The following TIAM2 variants were observed in gnomAD, a reference collection of about 807,000 sequenced individuals.
TIAM2 encodes the protein TIAM Rac1 associated GEF 2.
In TIAM2, 80 loss-of-function variants were observed where a neutral mutation model predicts 152.9. The observed-to-expected ratio is 0.52, with a 90% CI of 0.44 to 0.63. TIAM2 has a LOEUF of 0.63. Among genes scored for constraint, TIAM2 ranks in the 30% least tolerant of loss-of-function variants. TIAM2 has a pLI of 0.00. For synonymous variants in TIAM2, 804 were observed against 838.0 expected (o/e 0.96, Z 0.70); for missense variants, 1,965 against 2,120.1 (o/e 0.93, Z 1.44).
intron 14 of TIAM2, among the ~76,000 whole-genome samples, chr6:155,188,317 C>G (rs1781105607): frequency 6.6e-6 from 1 of 152,238 alleles, no homozygotes; most frequent in Non-Finnish European, 1.5e-5. Context: ...ACCAGCTTCA[C>G]TCCACTATGC....
intron 1 of TIAM2, among the ~76,000 whole-genome samples, chr6:155,081,816 C>G (rs1463593287): frequency 6.6e-6 from 1 of 152,158 alleles, no homozygotes; most frequent in African/African-American, 2.4e-5. Flanking sequence ...TTTTTACCCC[C>G]TGACTTTCTC....
rs767069189 is a variant in TIAM2 at position 155,176,825 on chromosome 6, C to T, written c.2371C>T (p.Leu791Phe). Reference protein sequence around the residue: ...KRPSITQVDELLHIYGSTVDG... With the variant: ...KRPSITQVDEFLHIYGSTVDG... The stretch of plus-strand genomic sequence containing the variant: ...TGGCATCTACAAACAGGTCGATGAA[C>T]TTCTGCATATATATGGTTCAACAGT... Residue 791 changes from leucine to phenylalanine, a missense_variant, in exon 10 of 27, where the codon CTT (leucine) becomes TTT (phenylalanine). By Grantham distance (22) the Leu-to-Phe change is conservative (BLOSUM62 0). Coordinates refer to ENST00000682666, the MANE Select transcript of TIAM2 (RefSeq NM_012454.4). The T allele has an allele frequency of 2.0e-5, 32 of 1,608,004 alleles. No individual in the cohort carries two copies. The highest frequency in any genetic ancestry group is 2.7e-5 in the Non-Finnish European group (32 of 1,178,456).
In TIAM2 at chr6:155,174,311, G is replaced by A. The variant is rs547955832; in HGVS notation, c.2362-2505G>A. On this transcript the variant is annotated intron_variant, in intron 9 of 26. Coordinates refer to ENST00000682666, the MANE Select transcript of TIAM2 (RefSeq NM_012454.4). This position sits in a 1 kb window ranked among gnomAD's most constrained non-coding sequence, Gnocchi z 4.2. ...TGGTGCCTTCCTGAGAGGGCTGGCT[G>A]TGAGTGGTGAGTGAACTGATGGCAC... Among the ~76,000 whole-genome samples, 1 of 152,052 alleles carries A rather than the reference G, an allele frequency of 6.6e-6. No individual in the cohort carries two copies. Among genetic ancestry groups the A allele is most frequent in the East Asian group, 1.9e-4 (1 of 5,180 alleles).
chr6:154,998,628 A>G (rs1778262013), intron 1 of TIAM2, among the ~76,000 whole-genome samples: 1 of 152,222 alleles, frequency 6.6e-6, no homozygotes, highest in African/African-American at 2.4e-5. Flanking sequence ...ATATAAAATT[A>G]TATACTTGTA....
chr6:155,051,927 A>G (rs762412756), intron 1 of TIAM2, among the ~76,000 whole-genome samples: 58 of 152,284 alleles, frequency 3.8e-4, no homozygotes, highest in Middle Eastern at 3.4e-3. Context: ...GGCGTGAGCC[A>G]CTGCGCCTGG....
intron 2 of TIAM2, among the ~76,000 whole-genome samples, chr6:155,104,627 G>C (rs1454964666): frequency 6.6e-6 from 1 of 151,944 alleles, no homozygotes; most frequent in African/African-American, 2.4e-5. Context: ...CGTGGTGGCG[G>C]GCGCTTGTAG....
chr6:155,184,284 T>G (rs1057151209), intron 14 of TIAM2, among the ~76,000 whole-genome samples: 31 of 152,214 alleles, frequency 2.0e-4, no homozygotes, highest in African/African-American at 7.2e-4. Flanking sequence ...CCACCGTGCC[T>G]GGCCAGTAAA....
At chr6:155,074,718 A>G (rs915962360) in intron 1 of TIAM2, among the ~76,000 whole-genome samples, 1 of 152,108 alleles carries the variant, frequency 6.6e-6, no homozygotes, top group African/African-American at 2.4e-5. Flanking sequence ...TGTGTTTATT[A>G]CGTTCTTTCT....
chr6:155,216,996 T>G, intron 15 of TIAM2: 1 of 1,263,150 alleles, frequency 7.9e-7, no homozygotes, highest in African/African-American at 1.6e-5. Flanking sequence ...AGAGACAACG[T>G]GTGTCTTACA....
At chr6:155,228,174 A>G (rs1021834199) in intron 15 of TIAM2, among the ~76,000 whole-genome samples, 16 of 152,194 alleles carry the variant, frequency 1.1e-4, no homozygotes, top group South Asian at 1.0e-3. Flanking sequence ...CTGAACTGCT[A>G]AGCCTAAGTA....
intron 14 of TIAM2, among the ~76,000 whole-genome samples, chr6:155,197,028 A>G (rs575127799): frequency 6.6e-6 from 1 of 152,256 alleles, no homozygotes; most frequent in Non-Finnish European, 1.5e-5. Context: ...ATTATTGTGT[A>G]TCTTCTGTTA....
In TIAM2 at chr6:154,997,489, A is replaced by G. The variant is rs1176684269; in HGVS notation, c.-209+1997A>G. Among the ~76,000 whole-genome samples the G allele has an allele frequency of 2.6e-5, 4 of 152,166 alleles. No homozygotes were observed. The South Asian group carries it at 6.2e-4, about 24-fold the overall frequency. On this transcript the variant is annotated intron_variant, in intron 1 of 26. Transcript: ENST00000682666. ...TCCATTGGAGAGGATACATTTGGCA[A>G]TTTAACCAAAAGTACAGTATGGGTT...
At chr6:155,139,156 T>A (rs1410939446) in intron 5 of TIAM2, among the ~76,000 whole-genome samples, 1 of 152,202 alleles carries the variant, frequency 6.6e-6, no homozygotes, top group Non-Finnish European at 1.5e-5. Flanking sequence ...ATACTACGTG[T>A]GCAATGTCCA....
At position 155,049,064 on chromosome 6, in the gene TIAM2, G is replaced by A. The variant is rs575646242; in HGVS notation, c.-208-41225G>A. ...GATCCGCCCGTCTCGGACTCCCAAAGTGCTGAGATTACAGATGTGAGCCAC... is the reference window on the plus strand; with the variant it reads ...GATCCGCCCGTCTCGGACTCCCAAAATGCTGAGATTACAGATGTGAGCCAC... On this transcript the variant is annotated intron_variant, in intron 1 of 26. Transcript: ENST00000682666. 5.9e-5 allele frequency among the ~76,000 whole-genome samples: 9 copies of A among 152,234 alleles called. No homozygotes were observed. The East Asian group carries it at 1.7e-3, about 29-fold the overall frequency.
rs186881306 is a variant in TIAM2, at chr6:155,010,111, C to T, written c.-209+14619C>T. On this transcript the variant is annotated intron_variant, in intron 1 of 26. Transcript: ENST00000682666. ...TCAGCCTCCCGAAGTCCTAGCACTA[C>T]AGGCGTGAGCCACCACGGCTGGCCA... Among the ~76,000 whole-genome samples, 321 of 152,274 alleles carry T rather than the reference C, an allele frequency of 2.1e-3. 1 individual carries two copies. The highest frequency in any genetic ancestry group is 3.6e-3 in the Non-Finnish European group (247 of 68,026).
At chr6:155,120,165 G>A (rs542928454) in intron 2 of TIAM2, among the ~76,000 whole-genome samples, 9 of 152,306 alleles carry the variant, frequency 5.9e-5, no homozygotes, top group South Asian at 2.1e-4. Context: ...TGACTTTCCC[G>A]CTTGTTGAAT....
intron 1 of TIAM2, among the ~76,000 whole-genome samples, chr6:155,017,604 A>C (rs965453205): frequency 6.6e-6 from 1 of 150,504 alleles, no homozygotes; most frequent in African/African-American, 2.5e-5. Context: ...CCTGGGTTCA[A>C]GCTATACTCC....
chr6:155,030,699 A>G (rs1776805758), intron 1 of TIAM2, among the ~76,000 whole-genome samples: 1 of 152,092 alleles, frequency 6.6e-6, no homozygotes, highest in African/African-American at 2.4e-5. Context: ...CTAACTGGTA[A>G]ATTTTGGAGG....
chr6:155,148,230 A>G lies in TIAM2; in HGVS notation c.1924A>G (p.Asn642Asp). The G allele has an allele frequency of 1.2e-6, 2 of 1,613,022 alleles. No homozygotes were observed. The highest frequency in any genetic ancestry group is 1.7e-6 in the Non-Finnish European group (2 of 1,180,020). ...GCGGCTGCTGAAGAACCAGACCAAA[A>G]ACCTGCTTCAGAAGATAGACATGGA... ...TLRLLKNQTKNLLQKIDMDSK... is the reference protein window; with the variant it reads ...TLRLLKNQTKDLLQKIDMDSK... The change falls in exon 7 of 27, where the codon AAC becomes GAC. Residue 642 changes from asparagine to aspartate, a missense_variant. Asn to Asp is a conservative substitution (Grantham distance 23). This residue lies in a region of TIAM2 where 1,025 missense variants were observed against 1,119.4 expected (regional missense o/e 0.92). Transcript: ENST00000682666.
Sources: allele counts gnomAD v4.1 joint callset (sites outside exome capture counted in the v4.1 genomes callset), GRCh38; gene constraint gnomAD v4.1.1; regional missense constraint gnomAD v4.1.1; non-coding constraint Gnocchi (gnomAD v3.1); transcripts MANE v1.5; gene names NCBI Gene and HGNC (gene_info 2026-07-23, HGNC 2026-07-21).